PPP2R5D: variants seen among roughly 807,000 people sequenced by gnomAD.
PPP2R5D encodes the protein serine/threonine-protein phosphatase 2A 56 kDa regulatory subunit delta isoform.
A neutral mutation model predicts 79.1 loss-of-function variants in PPP2R5D; 12 were observed. The ratio of observed to expected loss-of-function variants is 0.15; its 90% CI spans 0.10 to 0.25. The LOEUF (loss-of-function observed/expected upper bound fraction) is 0.25. Among genes scored for constraint, PPP2R5D ranks in the 10% least tolerant of loss-of-function variants. The pLI is 1.00. For synonymous variants in PPP2R5D, 277 were observed against 286.6 expected (o/e 0.97, Z 0.34); for missense variants, 419 against 760.2 (o/e 0.55, Z 5.28).
At position 42,984,574 on chromosome 6, in the gene PPP2R5D, C is replaced by G; in HGVS notation, c.-104C>G. 2.1e-6 allele frequency: 3 copies of G among 1,454,470 alleles called. No individual in the cohort carries two copies. The highest frequency in any genetic ancestry group is 2.7e-6 in the Non-Finnish European group (3 of 1,106,572). The allele number at this position is 1,454,470 out of a possible 1,614,324, so 90.1% of individuals were successfully genotyped here. A position where few individuals can be genotyped will look rare whatever the true frequency, so the allele number is the denominator to read the frequency against. The stretch of plus-strand genomic sequence containing the variant: ...CAGGCACCGCTCGACCCGGGCGCAG[C>G]GCGCAGGCGGTGGCGAAGAGACGCC... On this transcript the variant is annotated 5_prime_UTR_variant, in exon 1 of 16. Coordinates refer to ENST00000485511, the MANE Select transcript of PPP2R5D (RefSeq NM_006245.4).
chr6:43,011,087 G>T, intron 15 of PPP2R5D, 62 bp from the exon 16 acceptor site: 1 of 1,611,952 alleles, frequency 6.2e-7, no homozygotes, highest in Non-Finnish European at 8.5e-7. Flanking sequence ...ATAAGGGGAC[G>T]GAACAATAGA....
chr6:43,005,172 A>T (rs1581847253), intron 2 of PPP2R5D, among the ~76,000 whole-genome samples: 7 of 126,576 alleles, frequency 5.5e-5, no homozygotes, highest in South Asian at 2.4e-4. Flanking sequence ...TTGCCTGGCT[A>T]CCTCTGTCTC....
chr6:43,001,659 C>T (rs1048421234), intron 2 of PPP2R5D, among the ~76,000 whole-genome samples: 1 of 151,686 alleles, frequency 6.6e-6, no homozygotes, highest in African/African-American at 2.4e-5. Context: ...CTGAGGCGGG[C>T]GGATCATGAG....
intron 2 of PPP2R5D, among the ~76,000 whole-genome samples, chr6:42,990,036 A>C (rs532896203): frequency 1.3e-5 from 2 of 150,306 alleles, no homozygotes; most frequent in South Asian, 2.2e-4. Context: ...TGGGGTAACA[A>C]GTGACTTCAG....
Position 43,012,000 on chromosome 6 carries a change from A to G in PPP2R5D, c.*714A>G, listed in dbSNP as rs554105194. The G allele has an allele frequency of 3.7e-4, 63 of 170,180 alleles. 1 individual carries two copies. The highest frequency in any genetic ancestry group is 1.4e-3 in the African/African-American group (60 of 41,918). 10.5% of individuals were successfully genotyped at this position (170,180 alleles called of 1,614,324 possible). On this transcript the variant is annotated 3_prime_UTR_variant, in exon 16 of 16. Coordinates refer to ENST00000485511, the MANE Select transcript of PPP2R5D (RefSeq NM_006245.4). ...GAGCAGCAGCCCTGGGGTCACAGAC[A>G]TGGAAGGGACCACCCTGGGGCTGAC...
intron 2 of PPP2R5D, among the ~76,000 whole-genome samples, chr6:42,997,605 G>A (rs1035754903): frequency 1.3e-5 from 2 of 151,996 alleles, no homozygotes; most frequent in Admixed American, 6.6e-5. Context: ...TACCTCCCGG[G>A]TTCAAGCAAT....
chr6:43,011,088 GAAC>G, intron 15 of PPP2R5D, 58 bp from the exon 16 acceptor site: 1 of 1,612,488 alleles, frequency 6.2e-7, no homozygotes, highest in Non-Finnish European at 8.5e-7. Flanking sequence ...TAAGGGGACG[GAAC>G]AATAGAATTC....
intron 2 of PPP2R5D, among the ~76,000 whole-genome samples, chr6:43,005,656 T>C (rs539816006): frequency 6.6e-6 from 1 of 151,942 alleles, no homozygotes; most frequent in East Asian, 1.9e-4. Context: ...AGTCTCGCTC[T>C]TGTCCCCCAG....
At chr6:42,987,199 G>A (rs771511591) in intron 1 of PPP2R5D, among the ~76,000 whole-genome samples, 1 of 152,166 alleles carries the variant, frequency 6.6e-6, no homozygotes, top group Non-Finnish European at 1.5e-5. Context: ...GGAATTAATT[G>A]TGGACAAGAC....
Position 43,010,614 on chromosome 6 carries a change from C to G in PPP2R5D, c.1481+45C>G. 3.1e-6 allele frequency: 5 copies of G among 1,612,878 alleles called. No individual in the cohort carries two copies. The highest frequency in any genetic ancestry group is 4.2e-6 in the Non-Finnish European group (5 of 1,178,826). ...GGAGACTTTCATCTTCTACCACCAGCTCACTGTGTTTCTCTCAAGCCCAAC... is the reference window on the plus strand; with the variant it reads ...GGAGACTTTCATCTTCTACCACCAGGTCACTGTGTTTCTCTCAAGCCCAAC... On this transcript the variant is annotated intron_variant, in intron 13 of 15. Transcript: ENST00000485511. This position sits in a 1 kb window ranked among gnomAD's most constrained non-coding sequence, Gnocchi z 4.7.
intron 2 of PPP2R5D, among the ~76,000 whole-genome samples, chr6:42,994,916 C>T (rs949037873): frequency 2.6e-5 from 4 of 152,012 alleles, no homozygotes; most frequent in Non-Finnish European, 4.4e-5. Context: ...AATTTTCCCA[C>T]ACTTCAGCTT....
At position 42,989,542 on chromosome 6, in the gene PPP2R5D, A is replaced by G. The variant is rs1260782480; in HGVS notation, c.28-69A>G. 16 of 1,301,132 alleles carry G rather than the reference A, an allele frequency of 1.2e-5. No homozygotes were observed. In the East Asian group the frequency reaches 3.9e-4, roughly 32 times the overall value. The allele number at this position is 1,301,132 out of a possible 1,614,324, so 80.6% of individuals were successfully genotyped here. A position where few individuals can be genotyped will look rare whatever the true frequency, so the allele number is the denominator to read the frequency against. ...CAGAGGATATTTGCAACAAAGATCT[A>G]AGGGAGCCAGATAAGACCTCTCCCT... On this transcript the variant is annotated intron_variant, in intron 1 of 15. Transcript: ENST00000485511.
intron 2 of PPP2R5D, among the ~76,000 whole-genome samples, chr6:43,001,476 C>T (rs527568908): frequency 2.0e-5 from 3 of 152,174 alleles, no homozygotes; most frequent in East Asian, 3.9e-4. Context: ...ATGGACTCAA[C>T]GGAACATTTG....
rs200115042 is a variant in PPP2R5D, at chr6:43,008,161, A to C, written c.858-40A>C. ...GGGGACTGTACAGAATGCTGGAGGG[A>C]CATCAGGGGTTGTCAAGAGAGCCAT... On this transcript the variant is annotated intron_variant, in intron 7 of 15. Transcript: ENST00000485511. This position sits in a 1 kb window ranked among gnomAD's most constrained non-coding sequence, Gnocchi z 4.2. The C allele has an allele frequency of 1.9e-4, 314 of 1,613,554 alleles. 1 individual carries two copies. In the African/African-American group the frequency reaches 4.0e-3, roughly 21 times the overall value.
chr6:42,991,861 A>G (rs1051731193), intron 2 of PPP2R5D, among the ~76,000 whole-genome samples: 4 of 152,206 alleles, frequency 2.6e-5, no homozygotes, highest in African/African-American at 9.6e-5. Context: ...ATTACAAGCA[A>G]TCTGGGAAAG....
intron 2 of PPP2R5D, among the ~76,000 whole-genome samples, chr6:42,996,978 G>A (rs1771741821): frequency 6.6e-6 from 1 of 151,848 alleles, no homozygotes; most frequent in South Asian, 2.1e-4. Flanking sequence ...TTTCTATAGT[G>A]CTTAAATTAT....
intron 2 of PPP2R5D, among the ~76,000 whole-genome samples, chr6:42,992,909 C>T (rs972452650): frequency 6.6e-6 from 1 of 152,182 alleles, no homozygotes; most frequent in Non-Finnish European, 1.5e-5. Context: ...ACCTGTAATC[C>T]CAGCACTTTG....
chr6:42,998,056 T>C (rs1771909333), intron 2 of PPP2R5D, among the ~76,000 whole-genome samples: 1 of 23,328 alleles, frequency 4.3e-5, no homozygotes, highest in Non-Finnish European at 8.9e-5. Context: ...TATATATATA[T>C]ATTTTTTTTT....
chr6:43,000,545 C>G (rs1374427241), intron 2 of PPP2R5D, among the ~76,000 whole-genome samples: 1 of 152,100 alleles, frequency 6.6e-6, no homozygotes, highest in Non-Finnish European at 1.5e-5. Flanking sequence ...GCCTGGCTAC[C>G]TTCTTGTTAG....
Sources: gnomAD v4.1 joint callset for allele counts (sites outside exome capture counted in the v4.1 genomes callset) on GRCh38, gnomAD v4.1.1 for gene constraint, Gnocchi (gnomAD v3.1) non-coding constraint, MANE v1.5 for transcripts, NCBI Gene and HGNC (gene_info 2026-07-23, HGNC 2026-07-21) for gene names.